The following GRHL3 variants were observed in gnomAD, a reference collection of about 807,000 sequenced individuals.
The protein encoded by GRHL3 is grainyhead-like protein 3 homolog.
In GRHL3, 20 loss-of-function variants were observed where a neutral mutation model predicts 70.3. The observed-to-expected ratio is 0.28, with a 90% CI of 0.20 to 0.41. The LOEUF (loss-of-function observed/expected upper bound fraction) is 0.41, where lower values mean the gene tolerates loss of function less well. GRHL3 is among the 10% of genes least tolerant of loss of function. GRHL3 has a pLI of 1.00. For synonymous variants in GRHL3, 299 were observed against 299.9 expected (o/e 1.00, Z 0.03); for missense variants, 637 against 762.3 (o/e 0.84, Z 1.94).
chr1:24,331,439 C>A lies in GRHL3; in HGVS notation c.31C>A (p.Arg11=), dbSNP rs202164828. ...ACTTGCATTCAGTTTCAGGTCTGTG[C>A]GGCTGCTAAAGAACGACCCAGTCAA... is the stretch of plus-strand genomic sequence containing the variant. The part of the protein sequence containing the change: MSNELDFRSV[R]LLKNDPVNLQ... The change falls in exon 2 of 16, where the codon CGG becomes AGG. Residue 11 remains arginine (R), a synonymous_variant. Transcript: ENST00000361548. 6 of 1,611,750 alleles carry A rather than the reference C, an allele frequency of 3.7e-6. No individual in the cohort carries two copies. The highest frequency in any genetic ancestry group is 5.1e-6 in the Non-Finnish European group (6 of 1,178,682).
chr1:24,330,312 TA>T (rs201789776), intron 1 of GRHL3, among the ~76,000 whole-genome samples: 1 of 152,360 alleles, frequency 6.6e-6, no homozygotes, highest in East Asian at 1.9e-4. Context: ...ATCTATGTTT[TA>T]ACAAGCCTTC....
chr1:24,332,120 G>C (rs552299223), intron 2 of GRHL3, among the ~76,000 whole-genome samples: 1 of 152,012 alleles, frequency 6.6e-6, no homozygotes, highest in Admixed American at 6.6e-5. Context: ...CCCTGTCCTC[G>C]GATCTTACGT....
chr1:24,341,450 G>T (rs1299789341), intron 8 of GRHL3, among the ~76,000 whole-genome samples: 1 of 152,188 alleles, frequency 6.6e-6, no homozygotes, highest in Non-Finnish European at 1.5e-5. Context: ...CCCTCCTCCA[G>T]GCTCACTTTG....
chr1:24,364,347 G>A lies in GRHL3; in HGVS notation c.1857G>A (p.Leu619=), dbSNP rs769150587. ...CCAGCCCCACCACCGTCAACAGCCT[G>A]CACTTCACTGTAAACTCGGAATGAC... is the stretch of plus-strand genomic sequence containing the variant. Residue 619 remains leucine, a synonymous_variant, in exon 16 of 16, where the codon CTG becomes CTA. Transcript: ENST00000350501. 6.5e-7 allele frequency: 1 copy of A among 1,546,420 alleles called. No homozygotes were observed. The highest frequency in any genetic ancestry group is 2.0e-5 in the Admixed American group (1 of 50,512).
At position 24,336,508 on chromosome 1, in the gene GRHL3, C is replaced by T. The variant is rs372226155; in HGVS notation, c.293C>T (p.Thr98Met). 61 of 1,594,292 alleles carry T rather than the reference C, an allele frequency of 3.8e-5. 1 individual carries two copies. In the South Asian group the frequency reaches 6.0e-4, roughly 16 times the overall value. The change falls in exon 4 of 16, where the codon ACG becomes ATG. Residue 98 changes from threonine to methionine, a missense_variant. This residue lies in a region of GRHL3 where 250 missense variants were observed against 248.6 expected (regional missense o/e 1.01). Coordinates refer to ENST00000361548, the MANE Select transcript of GRHL3 (RefSeq NM_198173.3). The stretch of plus-strand genomic sequence containing the variant: ...TACTACCATGGCATGGAATATGAGA[C>T]GGACCTCACTCCCCTTGAAAGCCCC... ...KRYYHGMEYE[T>M]DLTPLESPTH...
At chr1:24,358,418 G>T, downstream of GRHL3, 2 of 826,892 alleles carry the variant, frequency 2.4e-6, no homozygotes, top group East Asian at 2.4e-5. Context: ...AGGCCAGAGT[G>T]GTAGAGCCAC....
At position 24,342,987 on chromosome 1, in the gene GRHL3, C is replaced by T. The variant is rs771434100; in HGVS notation, c.1381C>T (p.Pro461Ser). 2 of 1,614,056 alleles carry T rather than the reference C, an allele frequency of 1.2e-6. No individual in the cohort carries two copies. Among genetic ancestry groups the T allele is most frequent in the African/African-American group, 1.3e-5 (1 of 74,996 alleles). The change falls in exon 11 of 16, where the codon CCC becomes TCC. Residue 461 changes from proline (P) to serine (S), a missense_variant. By Grantham distance (74) the Pro-to-Ser change is moderately conservative (BLOSUM62 -1). Transcript: ENST00000361548. The surrounding 1 kb of genome is among the most constrained non-coding windows in gnomAD (Gnocchi z 4.8). ...GGAGACGCCACCCGTGCTGTTCATC[C>T]CCAATGTGCACTTCTCCAGCCTGCA... Reference protein sequence around the residue: ...DLETPPVLFIPNVHFSSLQRS... With the variant: ...DLETPPVLFISNVHFSSLQRS...
At chr1:24,344,485 GAAAA>G (rs57193515) in intron 11 of GRHL3, among the ~76,000 whole-genome samples, 10 of 55,776 alleles carry the variant, frequency 1.8e-4, no homozygotes, top group South Asian at 1.0e-3. Context: ...TTTCCCCCCA[GAAAA>G]AAAAAAAAAA....
At chr1:24,346,531 T>TC in intron 12 of GRHL3, 22 bp from the exon 13 acceptor site, 1 of 1,577,770 alleles carries the variant, frequency 6.3e-7, no homozygotes, top group Non-Finnish European at 8.7e-7. Flanking sequence ...TCTCACAAGC[T>TC]CCCCCACTGC....
At chr1:24,320,201 T>C (rs1639127032) in intron 1 of GRHL3, among the ~76,000 whole-genome samples, 1 of 152,198 alleles carries the variant, frequency 6.6e-6, no homozygotes, top group Non-Finnish European at 1.5e-5. Flanking sequence ...AAGAGTTAAG[T>C]GTGATAAATG....
Position 24,364,387 on chromosome 1 carries a change from G to A in GRHL3, c.*16G>A, listed in dbSNP as rs889257858. 4.6e-6 allele frequency: 7 copies of A among 1,527,856 alleles called. No individual in the cohort carries two copies. The East Asian group carries it at 1.2e-4, about 27-fold the overall frequency. The allele number at this position is 1,527,856 out of a possible 1,614,324, so 94.6% of individuals were successfully genotyped here. A position where few individuals can be genotyped will look rare whatever the true frequency, so the allele number is the denominator to read the frequency against. On this transcript the variant is annotated 3_prime_UTR_variant, in exon 16 of 16. Coordinates refer to the GRHL3 transcript ENST00000350501. ...CTCGGAATGACACACCCACCTGGAG[G>A]AGAGGTGGAAGGACGACGGCAGGTC...
downstream of GRHL3, chr1:24,357,007 C>T (rs1640750145): frequency 1.3e-5 from 2 of 148,548 alleles, no homozygotes; most frequent in Admixed American, 6.8e-5. Flanking sequence ...GCTCAATAAG[C>T]AAGATAAATA....
At chr1:24,358,660 G>A (rs767936084), downstream of GRHL3, 1 of 1,496,490 alleles carries the variant, frequency 6.7e-7, no homozygotes, top group Non-Finnish European at 9.3e-7. Context: ...AGAGAGAAAA[G>A]GCCCATTGCT....
chr1:24,323,038 AGAG>A, intron 1 of GRHL3: 20 of 1,542,412 alleles, frequency 1.3e-5, no homozygotes, highest in Non-Finnish European at 1.7e-5. Flanking sequence ...AAAAGAAGAC[AGAG>A]GAGATGTGCC....
At position 24,334,619 on chromosome 1, in the gene GRHL3, T is replaced by C. The variant is rs1226326541; in HGVS notation, c.205-26T>C. ...CTACCAGCAGAAGCTTAGCCATGCA[T>C]AAATCCTTCCTTTCTCTCTTCTCAG... On this transcript the variant is annotated intron_variant, in intron 2 of 15. Transcript: ENST00000361548. This position sits in a 1 kb window ranked among gnomAD's most constrained non-coding sequence, Gnocchi z 4.3. 1 of 1,601,750 alleles carries C rather than the reference T, an allele frequency of 6.2e-7. No homozygotes were observed. The highest frequency in any genetic ancestry group is 2.2e-5 in the East Asian group (1 of 44,518).
intron 15 of GRHL3, among the ~76,000 whole-genome samples, chr1:24,362,863 A>G (rs1641213665): frequency 6.6e-6 from 1 of 152,228 alleles, no homozygotes; most frequent in Non-Finnish European, 1.5e-5. Context: ...AAGGGGGGAC[A>G]TGCTGCCTCC....
At chr1:24,336,444 A>G (rs1569879984) in intron 3 of GRHL3, 38 bp from the exon 4 acceptor site, 1 of 1,403,486 alleles carries the variant, frequency 7.1e-7, no homozygotes, top group Non-Finnish European at 9.7e-7. Flanking sequence ...CTTTACCCCC[A>G]GAGAGAAGTA....
intron 15 of GRHL3, 147 bp downstream of exon 15, chr1:24,350,269 CAG>C: frequency 3.3e-6 from 2 of 612,564 alleles, no homozygotes; most frequent in Non-Finnish European, 5.8e-6. Flanking sequence ...TCTCCATCTG[CAG>C]AGACCAGACA....
chr1:24,345,950 T>C (rs1044300830), intron 12 of GRHL3, among the ~76,000 whole-genome samples: 2 of 152,200 alleles, frequency 1.3e-5, no homozygotes, highest in Non-Finnish European at 1.5e-5. Flanking sequence ...CCCCAAATTA[T>C]GTCACTTGTC....
Sources: allele counts gnomAD v4.1 joint callset (sites outside exome capture counted in the v4.1 genomes callset), GRCh38; gene constraint gnomAD v4.1.1; regional missense constraint gnomAD v4.1.1; non-coding constraint Gnocchi (gnomAD v3.1); transcripts MANE v1.5; gene names NCBI Gene and HGNC (gene_info 2026-07-23, HGNC 2026-07-21).